Variants in MPND observed in about 807,000 individuals in gnomAD.
The protein encoded by MPND is MPN domain-containing protein.
MPND carries 56 observed loss-of-function variants against 59.2 expected under a neutral mutation model. The ratio of observed to expected loss-of-function variants is 0.95; its 90% confidence interval spans 0.76 to 1.18. The LOEUF is 1.18. Ranked by LOEUF, MPND falls within the 50% of genes most tolerant of loss-of-function variation. MPND has a pLI of 0.00. For missense variants in MPND, 671 were observed against 676.0 expected (o/e 0.99, Z 0.08); for synonymous variants, 323 against 291.9 (o/e 1.11, Z -1.09).
At chr19:4,354,843 G>T in intron 6 of MPND, 106 bp from the exon 7 acceptor site, 1 of 1,203,488 alleles carries the variant, frequency 8.3e-7, no homozygotes, top group South Asian at 1.6e-5. Flanking sequence ...CAGCCTGGGC[G>T]ACAGAGCAAG....
chr19:4,343,617 G>A lies in MPND; in HGVS notation c.7+17G>A. 2.5e-6 allele frequency: 3 copies of A among 1,214,872 alleles called. No individual in the cohort carries two copies. Among genetic ancestry groups the A allele is most frequent in the Non-Finnish European group, 3.1e-6 (3 of 977,198 alleles). The allele number at this position is 1,214,872 out of a possible 1,614,324, so 75.3% of individuals were successfully genotyped here. ...CCATGGCAGGTACGGCGGGCCCAGC[G>A]GGGCGGAGGCGCGGGGCGCGGGGCT... On this transcript the variant is annotated intron_variant, in intron 1 of 12. Coordinates refer to ENST00000599840, the MANE Select transcript of MPND (RefSeq NM_001300862.2).
intron 2 of MPND, among the ~76,000 whole-genome samples, chr19:4,345,053 TTTTTTTTTTTTTGAGACAGAGTCTCGCGC>T (rs1972155223): frequency 7.3e-6 from 1 of 136,284 alleles, no homozygotes; most frequent in Non-Finnish European, 1.6e-5. Flanking sequence ...TTTTTTTTTT[TTTTTTTTTTTTTGAGACAGAGTCTCGCGC>T]TGTTGCCCAG....
intron 6 of MPND, 58 bp downstream of exon 6, chr19:4,354,478 G>A (rs761837839): frequency 7.8e-6 from 11 of 1,410,038 alleles, no homozygotes; most frequent in South Asian, 7.4e-5. Flanking sequence ...GGTGGGCAGC[G>A]GGCGGGGCTC....
chr19:4,343,829 CGGCGGCGGCAGTAGCGTCAGCGGAGGA>C lies in MPND; in HGVS notation c.139_165del (p.Ser47_Gly55del). 1 of 1,194,048 alleles carries C rather than the reference CGGCGGCGGCAGTAGCGTCAGCGGAGGA, an allele frequency of 8.4e-7. No individual in the cohort carries two copies. The highest frequency in any genetic ancestry group is 1.0e-6 in the Non-Finnish European group (1 of 964,556). The allele number at this position is 1,194,048 out of a possible 1,614,324, so 74.0% of individuals were successfully genotyped here. A position where few individuals can be genotyped will look rare whatever the true frequency, so the allele number is the denominator to read the frequency against. On this transcript the variant is annotated inframe_deletion, in exon 2 of 13. Coordinates refer to ENST00000599840, the MANE Select transcript of MPND (RefSeq NM_001300862.2). Reference sequence around the variant, plus strand: ...CGGGAGCGGGCGGTGGACGCAGTGGCGGCGGCGGCAGTAGCGTCAGCGGAGGAGGCGGCGGCGGCGGGGCCGGGGCGG... The same window carrying C: ...CGGGAGCGGGCGGTGGACGCAGTGGCGGCGGCGGCGGCGGGGCCGGGGCGG...
At chr19:4,356,149 G>A (rs1972434608) in intron 8 of MPND, among the ~76,000 whole-genome samples, 1 of 152,126 alleles carries the variant, frequency 6.6e-6, no homozygotes. Context: ...ACCGCGCCCA[G>A]CCTAAGAGCA....
rs1321448944 is a variant in MPND, at chr19:4,360,036, G to C, written c.*34G>C. On this transcript the variant is annotated 3_prime_UTR_variant, in exon 13 of 13. Transcript: ENST00000599840. ...GGGCAGGGTGGGCTCCAGTTGTCTT[G>C]AGGGTCCGGATGGGCTCAGGTAATA... 4.6e-6 allele frequency: 7 copies of C among 1,532,270 alleles called. No homozygotes were observed. The South Asian group carries it at 8.4e-5, about 18-fold the overall frequency. The allele number at this position is 1,532,270 out of a possible 1,614,324, so 94.9% of individuals were successfully genotyped here.
At chr19:4,353,916 C>A (rs981739306) in intron 4 of MPND, 129 bp from the exon 5 acceptor site, 53 of 736,518 alleles carry the variant, frequency 7.2e-5, no homozygotes, top group Non-Finnish European at 1.1e-4. Context: ...GCAGCCTCAA[C>A]CTCCCATGCT....
intron 5 of MPND, 28 bp from the exon 6 acceptor site, chr19:4,354,296 G>A: frequency 6.5e-7 from 1 of 1,545,192 alleles, no homozygotes; most frequent in African/African-American, 1.4e-5. Context: ...GGATTCCTGA[G>A]ACTGTGCGAC....
intron 3 of MPND, among the ~76,000 whole-genome samples, chr19:4,349,342 C>G (rs977793688): frequency 6.6e-6 from 1 of 151,996 alleles, no homozygotes; most frequent in Non-Finnish European, 1.5e-5. Flanking sequence ...TCCCAAAGTG[C>G]AGGGATTACA....
At chr19:4,350,337 G>T (rs930734097) in intron 3 of MPND, among the ~76,000 whole-genome samples, 13 of 152,144 alleles carry the variant, frequency 8.5e-5, no homozygotes, top group Admixed American at 7.9e-4. Flanking sequence ...GGGAGAACTT[G>T]GGCTTTGACC....
rs1439090075 is a variant in MPND at position 4,357,569 on chromosome 19, T to C, written c.1220T>C (p.Val407Ala). The change falls in exon 10 of 13, where the codon GTG (valine) becomes GCG (alanine). Residue 407 changes from valine (V) to alanine (A), a missense_variant. Physicochemically the swap from Val to Ala is moderately conservative, Grantham distance 64. Transcript: ENST00000599840. ...GAGTCCAAGATCTCACCTTTCTGGG[T>C]GATGCCTCCTCCCGAGGTAGGTGGG... The part of the protein sequence containing the change: ...GPESKISPFW[V>A]MPPPEQRPSD... 5 of 1,612,704 alleles carry C rather than the reference T, an allele frequency of 3.1e-6. No homozygotes were observed. Among genetic ancestry groups the C allele is most frequent in the Non-Finnish European group, 4.2e-6 (5 of 1,179,496 alleles).
At chr19:4,351,580 C>T (rs185013824) in intron 3 of MPND, among the ~76,000 whole-genome samples, 2 of 151,680 alleles carry the variant, frequency 1.3e-5, no homozygotes, top group South Asian at 2.1e-4. Context: ...ATAGACTTGG[C>T]GGCCGGGCAC....
At chr19:4,351,227 C>G (rs1043871058) in intron 3 of MPND, among the ~76,000 whole-genome samples, 1 of 152,168 alleles carries the variant, frequency 6.6e-6, no homozygotes, top group Non-Finnish European at 1.5e-5. Context: ...CCTCAGCCTC[C>G]TGAGTAGCTG....
chr19:4,358,355 T>A, intron 11 of MPND, 183 bp downstream of exon 11: 1 of 595,354 alleles, frequency 1.7e-6, no homozygotes, highest in South Asian at 2.0e-5. Context: ...CCCTCCAACT[T>A]CTGCCCTCCC....
chr19:4,343,880 G>A lies in MPND; in HGVS notation c.180G>A (p.Ala60=), dbSNP rs746035864. 8.1e-7 allele frequency: 1 copy of A among 1,231,034 alleles called. No homozygotes were observed. The highest frequency in any genetic ancestry group is 1.0e-6 in the Non-Finnish European group (1 of 991,244). The allele number at this position is 1,231,034 out of a possible 1,614,324, so 76.3% of individuals were successfully genotyped here. ...GAGGCGGCGGCGGCGGGGCCGGGGC[G>A]GGGGGCTGCGGCGGGCCCGGGGGCG... ...SGGGGGGGAG[A]GGCGGPGGAL... is the part of the protein sequence containing the mutation. Residue 60 remains alanine, a synonymous_variant, in exon 2 of 13, where the codon GCG becomes GCA. Transcript: ENST00000599840.
chr19:4,351,573 G>A (rs1972316138), intron 3 of MPND, among the ~76,000 whole-genome samples: 1 of 152,074 alleles, frequency 6.6e-6, no homozygotes, highest in African/African-American at 2.4e-5. Context: ...GATAAGAATA[G>A]ACTTGGCGGC....
chr19:4,355,336 C>CTTTTTTTTTTT (rs3048292), intron 8 of MPND, among the ~76,000 whole-genome samples, 163 bp downstream of exon 8: 1 of 124,454 alleles, frequency 8.0e-6, no homozygotes, highest in African/African-American at 3.1e-5. Context: ...AAGAACACTG[C>CTTTTTTTTTTT]TTTTTTTTTT....
chr19:4,349,313 T>A (rs1220662367), intron 3 of MPND, among the ~76,000 whole-genome samples: 1 of 152,092 alleles, frequency 6.6e-6, no homozygotes, highest in Non-Finnish European at 1.5e-5. Context: ...TGACCTCAAG[T>A]GATCCACTCG....
At position 4,343,576 on chromosome 19, in the gene MPND, G is replaced by A. The variant is rs1972113493; in HGVS notation, c.-18G>A. ...GGGAAGCCGGAGTCTAGAGCTCCGG[G>A]CGCGGGGAGGCGCGGCCATGGCAGG... On this transcript the variant is annotated 5_prime_UTR_variant, in exon 1 of 13. Transcript: ENST00000599840. 1.7e-5 allele frequency: 21 copies of A among 1,221,412 alleles called. No individual in the cohort carries two copies. The highest frequency in any genetic ancestry group is 3.2e-5 in the East Asian group (1 of 30,810). The allele number at this position is 1,221,412 out of a possible 1,614,324, so 75.7% of individuals were successfully genotyped here.
Sources: gnomAD v4.1 joint callset for allele counts (sites outside exome capture counted in the v4.1 genomes callset) on GRCh38, gnomAD v4.1.1 for gene constraint, MANE v1.5 for transcripts, NCBI Gene and HGNC (gene_info 2026-07-23, HGNC 2026-07-21) for gene names.